GRXCR1: variants seen among roughly 807,000 people sequenced by gnomAD.
The protein encoded by GRXCR1 is glutaredoxin and cysteine rich domain containing 1, also known as glutaredoxin domain-containing cysteine-rich protein 1.
Under a neutral mutation model 27.3 loss-of-function variants are expected in GRXCR1, and 27 were observed. The ratio of observed to expected loss-of-function variants is 0.99; its 90% CI spans 0.73 to 1.37. GRXCR1 has a LOEUF of 1.37. Ranked by LOEUF, GRXCR1 falls within the 40% of genes most tolerant of loss-of-function variation. GRXCR1 has a pLI of 0.00. For synonymous variants in GRXCR1, 122 were observed against 131.1 expected (o/e 0.93, Z 0.47); for missense variants, 379 against 354.4 (o/e 1.07, Z -0.56).
intron 1 of GRXCR1, among the ~76,000 whole-genome samples, chr4:42,919,057 C>G (rs1012690169): frequency 1.3e-5 from 2 of 152,070 alleles, no homozygotes; most frequent in African/African-American, 4.8e-5. Context: ...TTTAATAATA[C>G]TTTGGGTTAA....
At chr4:42,973,026 C>G (rs181242574) in intron 2 of GRXCR1, among the ~76,000 whole-genome samples, 1 of 152,118 alleles carries the variant, frequency 6.6e-6, no homozygotes, top group Non-Finnish European at 1.5e-5. Flanking sequence ...AATCTTTACT[C>G]CTTTACAATT....
Position 42,893,562 on chromosome 4 carries a change from T to C in GRXCR1, c.296T>C (p.Ile99Thr), listed in dbSNP as rs727503088. The C allele has an allele frequency of 1.2e-6, 2 of 1,613,740 alleles. No individual in the cohort carries two copies. The highest frequency in any genetic ancestry group is 1.3e-5 in the African/African-American group (1 of 74,912). ...GGTTTTGGTACAAGAAGAGTCAACA[T>C]TTTAAGCAAAAATGGCACAGTCAGA... ...EKGFGTRRVN[I>T]LSKNGTVRGV... The change falls in exon 1 of 4, where the codon ATT (isoleucine) becomes ACT (threonine). Residue 99 changes from isoleucine to threonine, a missense_variant. By Grantham distance (89) the Ile-to-Thr change is moderately conservative. Coordinates refer to ENST00000399770, the MANE Select transcript of GRXCR1 (RefSeq NM_001080476.3).
chr4:42,987,675 T>C (rs1560677202), intron 2 of GRXCR1, among the ~76,000 whole-genome samples: 1 of 152,174 alleles, frequency 6.6e-6, no homozygotes, highest in Non-Finnish European at 1.5e-5. Context: ...ACCTTTGCTA[T>C]ACCTGACATA....
At chr4:42,893,797 C>T in intron 1 of GRXCR1, 147 bp downstream of exon 1, 1 of 834,204 alleles carries the variant, frequency 1.2e-6, no homozygotes, top group South Asian at 1.5e-5. Flanking sequence ...ACTGTCCTAA[C>T]AGCTATCAAT....
intron 1 of GRXCR1, among the ~76,000 whole-genome samples, chr4:42,945,158 A>G (rs1577915673): frequency 2.0e-5 from 3 of 152,316 alleles, no homozygotes; most frequent in Non-Finnish European, 4.4e-5. Context: ...ACAGGCCCTC[A>G]GCAGACACAG....
At chr4:42,984,518 C>T (rs1212187230) in intron 2 of GRXCR1, among the ~76,000 whole-genome samples, 1 of 152,222 alleles carries the variant, frequency 6.6e-6, no homozygotes, top group Non-Finnish European at 1.5e-5. Flanking sequence ...CTATTCTAGT[C>T]TTCTAGACTG....
chr4:42,933,293 T>C (rs1484666959), intron 1 of GRXCR1, among the ~76,000 whole-genome samples: 1 of 151,840 alleles, frequency 6.6e-6, no homozygotes, highest in Non-Finnish European at 1.5e-5. Context: ...AGGGGACTCA[T>C]GAGTCAGAGC....
intron 1 of GRXCR1, among the ~76,000 whole-genome samples, chr4:42,952,776 CA>C (rs1034058702): frequency 7.9e-5 from 12 of 152,172 alleles, no homozygotes; most frequent in African/African-American, 2.9e-4. Context: ...GGAAGCTACA[CA>C]AAGGGGAATC....
intron 1 of GRXCR1, among the ~76,000 whole-genome samples, chr4:42,956,357 A>G (rs1329075073): frequency 6.6e-6 from 1 of 152,064 alleles, no homozygotes; most frequent in Non-Finnish European, 1.5e-5. Flanking sequence ...AAGGGAGAAG[A>G]GGGACAGCCA....
At chr4:42,927,329 A>G (rs1747182531) in intron 1 of GRXCR1, among the ~76,000 whole-genome samples, 1 of 152,014 alleles carries the variant, frequency 6.6e-6, no homozygotes, top group Non-Finnish European at 1.5e-5. Context: ...AGATGATGCT[A>G]CCAAAAGTTA....
At chr4:42,901,296 A>C (rs1746455388) in intron 1 of GRXCR1, among the ~76,000 whole-genome samples, 1 of 152,300 alleles carries the variant, frequency 6.6e-6, no homozygotes, top group Non-Finnish European at 1.5e-5. Context: ...GCGCAAATCT[A>C]TCTCTTCACA....
At chr4:42,896,438 C>T (rs1205321502) in intron 1 of GRXCR1, among the ~76,000 whole-genome samples, 1 of 83,202 alleles carries the variant, frequency 1.2e-5, no homozygotes, top group African/African-American at 3.0e-5. Flanking sequence ...AGGCAAAAAG[C>T]AGAAGGCCAC....
chr4:42,900,492 A>C (rs1007094563), intron 1 of GRXCR1, among the ~76,000 whole-genome samples: 1 of 152,170 alleles, frequency 6.6e-6, no homozygotes, highest in African/African-American at 2.4e-5. Flanking sequence ...TAGGCTATGA[A>C]ATAATTAGTT....
chr4:43,012,174 C>G (rs1267291195), intron 2 of GRXCR1, among the ~76,000 whole-genome samples: 1 of 152,284 alleles, frequency 6.6e-6, no homozygotes, highest in Admixed American at 6.5e-5. Context: ...TCTTCTGACT[C>G]TTTAGAGAGC....
intron 1 of GRXCR1, among the ~76,000 whole-genome samples, chr4:42,914,983 G>A (rs138575835): frequency 1.2e-3 from 188 of 152,150 alleles, no homozygotes; most frequent in African/African-American, 4.3e-3. Flanking sequence ...AGTTTCCTGA[G>A]GCCTTGTAAG....
rs1055017940 is a variant in GRXCR1, at chr4:42,983,955, C to T, written c.627+20821C>T. On this transcript the variant is annotated intron_variant, in intron 2 of 3. Transcript: ENST00000399770. ...GGTTCAAGCAATTCTCCTGCCTCAG[C>T]TTCCCTGGTAGCTGGGATTACAGGT... is the stretch of plus-strand genomic sequence containing the variant. Among the ~76,000 whole-genome samples, 17 of 151,712 alleles carry T rather than the reference C, an allele frequency of 1.1e-4. 1 individual carries two copies. Among genetic ancestry groups the T allele is most frequent in the Non-Finnish European group, 2.4e-4 (16 of 67,960 alleles).
At chr4:42,974,268 T>C (rs1748455896) in intron 2 of GRXCR1, among the ~76,000 whole-genome samples, 1 of 152,128 alleles carries the variant, frequency 6.6e-6, no homozygotes, top group Admixed American at 6.6e-5. Context: ...ATGTGGAAAC[T>C]GCATTCTTTG....
chr4:42,912,173 G>A (rs1207203519), intron 1 of GRXCR1, among the ~76,000 whole-genome samples: 1 of 152,070 alleles, frequency 6.6e-6, no homozygotes. Context: ...TCAAAAAATG[G>A]GTATTTAAAC....
intron 2 of GRXCR1, among the ~76,000 whole-genome samples, chr4:43,019,548 C>G (rs1422212082): frequency 6.6e-6 from 1 of 152,174 alleles, no homozygotes; most frequent in Admixed American, 6.5e-5. Context: ...AAAATAATTA[C>G]TCCAGTTTTT....
Sources: gnomAD v4.1 joint callset for allele counts (sites outside exome capture counted in the v4.1 genomes callset) on GRCh38, gnomAD v4.1.1 for gene constraint, MANE v1.5 for transcripts, NCBI Gene and HGNC (gene_info 2026-07-23, HGNC 2026-07-21) for gene names.